The following RBM25 variants were observed in gnomAD, a reference collection of about 807,000 sequenced individuals.
RBM25 encodes the protein RNA binding motif protein 25.
In RBM25, 19 loss-of-function variants were observed where a neutral mutation model predicts 120.7. The ratio of observed to expected loss-of-function variants is 0.16; its 90% CI spans 0.11 to 0.23. The LOEUF is 0.23. Among genes scored for constraint, RBM25 ranks in the 10% least tolerant of loss-of-function variants. The probability of loss-of-function intolerance (pLI) is 1.00; values close to 1 mark genes in which losing one functional copy is unlikely to be tolerated. For missense variants in RBM25, 605 were observed against 1,041.5 expected (o/e 0.58, Z 5.77); for synonymous variants, 390 against 326.7 (o/e 1.19, Z -2.09).
At chr14:73,107,788 G>A (rs779116280) in intron 12 of RBM25, 38 bp from the exon 13 acceptor site, 3 of 1,413,056 alleles carry the variant, frequency 2.1e-6, no homozygotes, top group East Asian at 4.6e-5. Flanking sequence ...TTTATTACTT[G>A]TATGTTAATT....
intron 6 of RBM25, among the ~76,000 whole-genome samples, chr14:73,089,847 A>G (rs1300949409): frequency 6.6e-6 from 1 of 150,514 alleles, no homozygotes; most frequent in African/African-American, 2.5e-5. Context: ...TTGTATTTTC[A>G]CTATGTAAGT....
intron 7 of RBM25, among the ~76,000 whole-genome samples, chr14:73,098,307 T>G (rs1048654906): frequency 6.6e-6 from 1 of 152,106 alleles, no homozygotes; most frequent in African/African-American, 2.4e-5. Flanking sequence ...TTTTTGTATT[T>G]TTTGTAGAGA....
intron 6 of RBM25, 115 bp downstream of exon 6, chr14:73,088,276 G>T (rs1895735763): frequency 7.7e-7 from 1 of 1,306,714 alleles, no homozygotes; most frequent in Non-Finnish European, 1.1e-6. Context: ...GTATGTGCTT[G>T]TGGCTTAATG....
chr14:73,109,790 T>C (rs1243229437), intron 14 of RBM25, among the ~76,000 whole-genome samples: 2 of 152,078 alleles, frequency 1.3e-5, no homozygotes, highest in Non-Finnish European at 2.9e-5. Flanking sequence ...CCCTGACTCC[T>C]GGGTTCAAGC....
intron 11 of RBM25, 49 bp from the exon 12 acceptor site, chr14:73,106,146 TA>T (rs769290939): frequency 1.3e-6 from 2 of 1,580,858 alleles, no homozygotes. Flanking sequence ...TCAATATTTA[TA>T]GAATGCTATG....
At chr14:73,075,582 A>G (rs74834375) in intron 2 of RBM25, among the ~76,000 whole-genome samples, 2,448 of 152,276 alleles carry the variant, frequency 0.016, 48 homozygotes, top group East Asian at 0.048. Flanking sequence ...ATTTGACAAA[A>G]TTTTATATGT....
chr14:73,078,852 C>T (rs191154361), intron 4 of RBM25, among the ~76,000 whole-genome samples: 13 of 152,236 alleles, frequency 8.5e-5, no homozygotes, highest in African/African-American at 2.4e-4. Flanking sequence ...AAACCGCCTG[C>T]GTTGGCTTTC....
chr14:73,067,604 A>AT (rs1050067182), intron 1 of RBM25, among the ~76,000 whole-genome samples: 15,116 of 106,318 alleles, frequency 0.14, 1,093 homozygotes, highest in Non-Finnish European at 0.17. Flanking sequence ...TATTGCCTGT[A>AT]TTTTTTTTTT....
intron 18 of RBM25, among the ~76,000 whole-genome samples, 177 bp from the exon 19 acceptor site, chr14:73,119,536 A>T (rs1052881626): frequency 6.6e-6 from 1 of 152,226 alleles, no homozygotes; most frequent in Non-Finnish European, 1.5e-5. Context: ...AAATGCTGGG[A>T]TTACAGGCGT....
chr14:73,097,190 T>C (rs1895959599), intron 7 of RBM25, 90 bp downstream of exon 7: 2 of 611,682 alleles, frequency 3.3e-6, no homozygotes, highest in Non-Finnish European at 4.3e-6. Flanking sequence ...TTTTCTTTTT[T>C]CTTTTCTTTT....
chr14:73,082,485 C>CT (rs1895585621), intron 4 of RBM25, among the ~76,000 whole-genome samples: 1 of 151,966 alleles, frequency 6.6e-6, no homozygotes, highest in Non-Finnish European at 1.5e-5. Context: ...GAGACAGTGT[C>CT]TCCCTATGTT....
chr14:73,089,498 G>A (rs1895762199), intron 6 of RBM25, among the ~76,000 whole-genome samples: 1 of 151,730 alleles, frequency 6.6e-6, no homozygotes, highest in Non-Finnish European at 1.5e-5. Context: ...GGGATTACAG[G>A]CATCCACCAC....
chr14:73,110,591 G>T (rs921043149), intron 14 of RBM25, among the ~76,000 whole-genome samples: 2 of 151,822 alleles, frequency 1.3e-5, no homozygotes, highest in African/African-American at 4.8e-5. Context: ...ACCACACCTG[G>T]CTAATTTTTG....
In RBM25 at chr14:73,105,567, G is replaced by A. The variant is rs1044477863; in HGVS notation, c.1155-292G>A. On this transcript the variant is annotated intron_variant, in intron 10 of 18. Transcript: ENST00000261973. ...TGACTATTATTTCAGTATATGATGGGCATTAACTAACCATTCATTTTAATG... is the reference window on the plus strand; with the variant it reads ...TGACTATTATTTCAGTATATGATGGACATTAACTAACCATTCATTTTAATG... Among the ~76,000 whole-genome samples, 5 of 151,988 alleles carry A rather than the reference G, an allele frequency of 3.3e-5. No homozygotes were observed. The East Asian group carries it at 7.7e-4, about 23-fold the overall frequency.
At chr14:73,065,550 G>A (rs543576951) in intron 1 of RBM25, among the ~76,000 whole-genome samples, 12 of 152,092 alleles carry the variant, frequency 7.9e-5, no homozygotes, top group African/African-American at 2.7e-4. Context: ...TCAGCCTCCT[G>A]AGTAGCTGGG....
intron 1 of RBM25, among the ~76,000 whole-genome samples, chr14:73,067,069 T>G (rs1895154695): frequency 6.9e-6 from 1 of 145,592 alleles, no homozygotes; most frequent in African/African-American, 2.5e-5. Context: ...TACATATAAT[T>G]TTTTTTTTTT....
chr14:73,067,704 C>T (rs904143299), intron 1 of RBM25, among the ~76,000 whole-genome samples: 9 of 149,866 alleles, frequency 6.0e-5, no homozygotes, highest in Admixed American at 4.0e-4. Flanking sequence ...CCCAGGTTCA[C>T]GCCATTCTCC....
chr14:73,086,491 G>A (rs528094383), intron 5 of RBM25, among the ~76,000 whole-genome samples: 46 of 151,074 alleles, frequency 3.0e-4, no homozygotes, highest in Non-Finnish European at 4.1e-4. Context: ...TTTTTCCAGT[G>A]TATACTAATT....
Position 73,106,253 on chromosome 14 carries a change from G to T in RBM25, c.1435G>T (p.Ala479Ser). The T allele has an allele frequency of 3.8e-6, 5 of 1,312,362 alleles. No individual in the cohort carries two copies. The highest frequency in any genetic ancestry group is 2.7e-5 in the South Asian group (2 of 75,328). 81.3% of individuals were successfully genotyped at this position (1,312,362 alleles called of 1,614,324 possible). ...RKKTREYEKE[A>S]EREEERRREM... Reference sequence around the variant, plus strand: ...GAAAACCCGGGAATATGAGAAAGAAGCTGAAAGAGAAGAAGAAAGAAGAAG... The same window carrying T: ...GAAAACCCGGGAATATGAGAAAGAATCTGAAAGAGAAGAAGAAAGAAGAAG... The change falls in exon 12 of 19, where the codon GCT becomes TCT. Residue 479 changes from alanine (A) to serine (S), a missense_variant. Ala to Ser is a moderately conservative substitution (Grantham distance 99). Around this residue, in one of 4 missense-constraint regions of RBM25, gnomAD observed 465 missense variants for 741.6 expected, o/e 0.63. Transcript: ENST00000261973.
Sources: allele counts gnomAD v4.1 joint callset (sites outside exome capture counted in the v4.1 genomes callset), GRCh38; gene constraint gnomAD v4.1.1; regional missense constraint gnomAD v4.1.1; transcripts MANE v1.5; gene names NCBI Gene and HGNC (gene_info 2026-07-23, HGNC 2026-07-21).